The following PLXNA4 variants were observed in gnomAD, a reference collection of about 807,000 sequenced individuals.
PLXNA4 encodes the protein plexin A4, also known as plexin-A4.
PLXNA4 carries 44 observed loss-of-function variants against 191.8 expected under a neutral mutation model. The ratio of observed to expected loss-of-function variants is 0.23; its 90% CI spans 0.18 to 0.29. The LOEUF (loss-of-function observed/expected upper bound fraction) is 0.29. Ranked by LOEUF, PLXNA4 falls within the 10% of genes least tolerant of loss-of-function variation. The pLI, the probability that PLXNA4 is intolerant of heterozygous loss-of-function variation, is 1.00. For missense variants in PLXNA4, 1,800 were observed against 2,488.8 expected (o/e 0.72, Z 5.89); for synonymous variants, 1,082 against 1,009.5 (o/e 1.07, Z -1.36).
chr7:132,189,028 GAAA>G (rs1562909134), intron 14 of PLXNA4, among the ~76,000 whole-genome samples: 6 of 84,866 alleles, frequency 7.1e-5, no homozygotes, highest in African/African-American at 2.6e-4. Context: ...GAGAGAGAGA[GAAA>G]GAGAGAGAGA....
intron 2 of PLXNA4, among the ~76,000 whole-genome samples, chr7:132,494,668 A>G (rs1448398578): frequency 6.6e-6 from 1 of 152,180 alleles, no homozygotes; most frequent in East Asian, 1.9e-4. Context: ...TCCCTCGTGC[A>G]CCGCAGCAAA....
At chr7:132,402,144 G>A (rs1794011277) in intron 3 of PLXNA4, among the ~76,000 whole-genome samples, 1 of 152,166 alleles carries the variant, frequency 6.6e-6, no homozygotes, top group Admixed American at 6.5e-5. Context: ...GGTCCCTAGA[G>A]TAATCATGCA....
intron 4 of PLXNA4, among the ~76,000 whole-genome samples, chr7:132,293,698 C>A (rs1249542262): frequency 2.0e-5 from 3 of 152,156 alleles, no homozygotes; most frequent in Non-Finnish European, 2.9e-5. Context: ...TTTCTACCAC[C>A]AGTTTTTTTA....
intron 2 of PLXNA4, among the ~76,000 whole-genome samples, chr7:132,598,162 A>T (rs1436256591): frequency 1.3e-5 from 2 of 152,090 alleles, no homozygotes; most frequent in Non-Finnish European, 2.9e-5. Flanking sequence ...AGGCTGGAGT[A>T]CAGTGGTGTG....
intron 4 of PLXNA4, among the ~76,000 whole-genome samples, chr7:132,291,026 T>C (rs531211756): frequency 6.6e-6 from 1 of 152,370 alleles, no homozygotes; most frequent in East Asian, 1.9e-4. Context: ...TACTGTTTAC[T>C]AAATCCCCAT....
chr7:132,551,669 C>T (rs1046563730), intron 1 of PLXNA4, among the ~76,000 whole-genome samples: 1 of 152,102 alleles, frequency 6.6e-6, no homozygotes, highest in Non-Finnish European at 1.5e-5. Context: ...ATTGCAGTGT[C>T]TATGATCACT....
intron 2 of PLXNA4, among the ~76,000 whole-genome samples, chr7:132,507,201 C>T (rs1798501432): frequency 6.6e-6 from 1 of 152,192 alleles, no homozygotes; most frequent in South Asian, 2.1e-4. Flanking sequence ...CTACGACATC[C>T]ATTTGACACA....
intron 10 of PLXNA4, among the ~76,000 whole-genome samples, chr7:132,207,537 GTCC>G: frequency 6.6e-6 from 1 of 152,346 alleles, no homozygotes; most frequent in Non-Finnish European, 1.5e-5. Flanking sequence ...AGTCTGCCCT[GTCC>G]TCCTCCCACC....
intron 4 of PLXNA4, chr7:132,266,473 T>C (rs997643987): frequency 6.6e-6 from 1 of 152,240 alleles, no homozygotes; most frequent in African/African-American, 2.4e-5. Context: ...CCTACGAAAC[T>C]CTTAATGAAT....
intron 31 of PLXNA4, among the ~76,000 whole-genome samples, chr7:132,131,441 C>T (rs1293844391): frequency 6.6e-6 from 1 of 151,996 alleles, no homozygotes; most frequent in African/African-American, 2.4e-5. Flanking sequence ...AAGGCCTGCC[C>T]CCCGAGAGGC....
intron 25 of PLXNA4, among the ~76,000 whole-genome samples, chr7:132,155,757 G>A (rs937359987): frequency 6.6e-6 from 1 of 152,198 alleles, no homozygotes; most frequent in African/African-American, 2.4e-5. Context: ...TTCTGGGATA[G>A]TTAATTCTAC....
chr7:132,562,464 C>CCTTT (rs1801239015), intron 1 of PLXNA4, among the ~76,000 whole-genome samples: 1 of 123,518 alleles, frequency 8.1e-6, no homozygotes, highest in Non-Finnish European at 1.7e-5. Context: ...TTCTCCTCCT[C>CCTTT]CTCCTTTCTC....
At chr7:132,164,365 G>C in intron 23 of PLXNA4, 77 bp from the exon 24 acceptor site, 6 of 1,562,788 alleles carry the variant, frequency 3.8e-6, no homozygotes, top group Non-Finnish European at 4.3e-6. Context: ...TTCTCCAAAG[G>C]GCTGCTTCCA....
rs528541590 is a variant in PLXNA4, at chr7:132,125,592, A to G, written c.*4887T>C. On this transcript the variant is annotated 3_prime_UTR_variant, in exon 32 of 32. Coordinates refer to ENST00000321063, the MANE Select transcript of PLXNA4 (RefSeq NM_020911.2). ...CCAAACAACTCCAAAATCCCAAATA[A>G]ATGGCCCACAGTTTTGTTTTGTTTT... 5.9e-5 allele frequency: 9 copies of G among 152,294 alleles called. No individual in the cohort carries two copies. The highest frequency in any genetic ancestry group is 1.9e-4 in the African/African-American group (8 of 41,574). 9.4% of individuals were successfully genotyped at this position (152,294 alleles called of 1,614,324 possible).
chr7:132,437,097 G>A (rs1262600535), intron 3 of PLXNA4, among the ~76,000 whole-genome samples: 1 of 152,212 alleles, frequency 6.6e-6, no homozygotes, highest in Non-Finnish European at 1.5e-5. Context: ...TGCCCAGGGA[G>A]CAGCCTTATA....
chr7:132,215,225 T>G (rs1369003094), intron 9 of PLXNA4, among the ~76,000 whole-genome samples: 1 of 152,224 alleles, frequency 6.6e-6, no homozygotes, highest in Non-Finnish European at 1.5e-5. Flanking sequence ...TTCTGGCCAC[T>G]GCTCCCTGAA....
chr7:132,383,783 G>C (rs1368591783), intron 3 of PLXNA4: 2 of 985,106 alleles, frequency 2.0e-6, no homozygotes, highest in South Asian at 9.4e-5. Flanking sequence ...ATTGTCACCA[G>C]TTCAAAGGAT....
intron 1 of PLXNA4, among the ~76,000 whole-genome samples, chr7:132,521,584 C>T (rs556701890): frequency 6.6e-6 from 1 of 152,254 alleles, no homozygotes; most frequent in South Asian, 2.1e-4. Flanking sequence ...CTAACACATC[C>T]TCATCTCCCA....
chr7:132,597,872 T>TATAC (rs758192980), intron 2 of PLXNA4, among the ~76,000 whole-genome samples: 1 of 151,652 alleles, frequency 6.6e-6, no homozygotes, highest in Non-Finnish European at 1.5e-5. Flanking sequence ...TATATATATA[T>TATAC]ACATCCAATC....
Sources: allele counts gnomAD v4.1 joint callset (sites outside exome capture counted in the v4.1 genomes callset), GRCh38; gene constraint gnomAD v4.1.1; transcripts MANE v1.5; gene names NCBI Gene and HGNC (gene_info 2026-07-23, HGNC 2026-07-21).